Variants in ABI2 observed in about 807,000 individuals in gnomAD.
ABI2 encodes the protein abelson interactor 2.
Under a neutral mutation model 59.2 loss-of-function variants are expected in ABI2, and 25 were observed. That is an observed-to-expected ratio of 0.42 (90% CI 0.31 to 0.59). The LOEUF is 0.59. Among genes scored for constraint, ABI2 ranks in the 20% least tolerant of loss-of-function variants. The probability of loss-of-function intolerance (pLI) is 0.14; values close to 1 mark genes in which losing one functional copy is unlikely to be tolerated. For missense variants in ABI2, 545 were observed against 681.8 expected (o/e 0.80, Z 2.23); for synonymous variants, 213 against 235.5 (o/e 0.90, Z 0.87).
In ABI2 at chr2:203,366,534, A is replaced by T. The variant is rs113273810; in HGVS notation, c.118-343A>T. 6.6e-4 allele frequency among the ~76,000 whole-genome samples: 100 copies of T among 152,340 alleles called. 1 individual carries two copies. The highest frequency in any genetic ancestry group is 3.4e-3 in the Middle Eastern group (1 of 294). ...GAATTCAGAAAAGCAGAAGAAAGTG[A>T]GTCAAAATTTATACGTTCAAATCAG... On this transcript the variant is annotated intron_variant, in intron 1 of 11. Transcript: ENST00000261018.
intron 1 of ABI2, among the ~76,000 whole-genome samples, chr2:203,365,622 C>CTTTTTTTTT (rs71007507): frequency 2.7e-4 from 17 of 63,924 alleles, no homozygotes; most frequent in East Asian, 2.1e-3. Context: ...GGGCTGTTAT[C>CTTTTTTTTT]TTTTTTTTTT....
In ABI2 at chr2:203,382,495, A is replaced by G. The variant is rs538032886; in HGVS notation, c.480+289A>G. Among the ~76,000 whole-genome samples, 6 of 152,332 alleles carry G rather than the reference A, an allele frequency of 3.9e-5. No individual in the cohort carries two copies. In the East Asian group the frequency reaches 9.6e-4, roughly 24 times the overall value. ...TGAATGGTTATTTTGTAATGTTAAT[A>G]TATTTTGTGAAACTGAAATGTAAGC... On this transcript the variant is annotated intron_variant, in intron 4 of 11. Transcript: ENST00000261018.
At chr2:203,396,304 A>G (rs963834751) in intron 7 of ABI2, among the ~76,000 whole-genome samples, 4 of 152,218 alleles carry the variant, frequency 2.6e-5, no homozygotes, top group African/African-American at 7.2e-5. Context: ...AGAATGTTAC[A>G]TACTTAATTT....
At chr2:203,367,405 A>AT (rs1238967634) in intron 2 of ABI2, 9 of 153,268 alleles carry the variant, frequency 5.9e-5, no homozygotes, top group South Asian at 2.1e-4. Context: ...TTGTTCAAAA[A>AT]TTTTTTTTTC....
At chr2:203,338,119 C>G (rs1278814740) in intron 1 of ABI2, among the ~76,000 whole-genome samples, 4 of 152,208 alleles carry the variant, frequency 2.6e-5, no homozygotes, top group Admixed American at 2.0e-4. Context: ...AATGTAGCCA[C>G]ATCTGTGCAG....
chr2:203,381,598 C>G (rs1264284961), intron 3 of ABI2, among the ~76,000 whole-genome samples: 4 of 152,166 alleles, frequency 2.6e-5, no homozygotes, highest in Admixed American at 2.6e-4. Context: ...TACCTACATG[C>G]ATTTAGATTA....
intron 1 of ABI2, among the ~76,000 whole-genome samples, chr2:203,331,473 C>G (rs1186431759): frequency 6.8e-6 from 1 of 148,142 alleles, no homozygotes; most frequent in Admixed American, 7.0e-5. Context: ...ATTCTTCTGC[C>G]TCAGCCTTCC....
chr2:203,380,068 G>A, intron 2 of ABI2, 140 bp from the exon 3 acceptor site: 5 of 526,340 alleles, frequency 9.5e-6, no homozygotes, highest in Non-Finnish European at 1.2e-5. Context: ...GAGAAAATCA[G>A]TAGTCCAGAA....
At chr2:203,389,068 A>G (rs2096643481) in intron 4 of ABI2, among the ~76,000 whole-genome samples, 1 of 152,204 alleles carries the variant, frequency 6.6e-6, no homozygotes, top group Admixed American at 6.5e-5. Context: ...GGTTTCAGAA[A>G]TTAAGATATG....
In ABI2 at chr2:203,429,197, A is replaced by G. The variant is rs1044520389; in HGVS notation, c.*1845A>G. ...TTTCATTAACTTGCCTCCAGTATACATTCCACTTCGTGCTTTTCTTAGGTC... is the reference window on the plus strand; with the variant it reads ...TTTCATTAACTTGCCTCCAGTATACGTTCCACTTCGTGCTTTTCTTAGGTC... On this transcript the variant is annotated 3_prime_UTR_variant, in exon 12 of 12. Coordinates refer to ENST00000261018, the MANE Select transcript of ABI2 (RefSeq NM_001375670.1). 6.6e-6 allele frequency: 1 copy of G among 152,200 alleles called. No homozygotes were observed. The highest frequency in any genetic ancestry group is 2.4e-5 in the African/African-American group (1 of 41,434). The allele number at this position is 152,200 out of a possible 1,614,324, so 9.4% of individuals were successfully genotyped here. A position where few individuals can be genotyped will look rare whatever the true frequency, so the allele number is the denominator to read the frequency against.
intron 1 of ABI2, among the ~76,000 whole-genome samples, chr2:203,331,640 G>A (rs1027296847): frequency 6.6e-5 from 10 of 151,882 alleles, no homozygotes; most frequent in Non-Finnish European, 1.0e-4. Context: ...GATTACAGGC[G>A]TGAGCCACCG....
Position 203,428,332 on chromosome 2 carries a change from G to A in ABI2, c.*980G>A, listed in dbSNP as rs188219364. The A allele has an allele frequency of 1.3e-5, 2 of 152,684 alleles. No individual in the cohort carries two copies. The highest frequency in any genetic ancestry group is 2.4e-5 in the African/African-American group (1 of 41,550). 9.5% of individuals were successfully genotyped at this position (152,684 alleles called of 1,614,324 possible). A position where few individuals can be genotyped will look rare whatever the true frequency, so the allele number is the denominator to read the frequency against. ...CGCTATTCTACTTTGGAAGAGAATA[G>A]TAGTTATTTTCAAGTCTCCTGACAG... On this transcript the variant is annotated 3_prime_UTR_variant, in exon 12 of 12. Transcript: ENST00000261018.
At chr2:203,384,299 T>TTTTTTG (rs1559289278) in intron 4 of ABI2, among the ~76,000 whole-genome samples, 14 of 126,698 alleles carry the variant, frequency 1.1e-4, no homozygotes, top group African/African-American at 4.2e-4. Context: ...TGTTTTTTTT[T>TTTTTTG]TTTTTTTTTT....
chr2:203,395,432 A>AATATATATATATAT (rs375911001), intron 6 of ABI2, among the ~76,000 whole-genome samples: 51 of 113,324 alleles, frequency 4.5e-4, no homozygotes, highest in African/African-American at 1.1e-3. Flanking sequence ...TTAATAAGTA[A>AATATATATATATAT]ATATATATAT....
chr2:203,367,995 C>T (rs2094635258), intron 2 of ABI2, among the ~76,000 whole-genome samples: 1 of 151,506 alleles, frequency 6.6e-6, no homozygotes, highest in Non-Finnish European at 1.5e-5. Flanking sequence ...CAGAGTGAAA[C>T]CCTGTCTCCA....
intron 1 of ABI2, among the ~76,000 whole-genome samples, chr2:203,346,016 C>T (rs879522097): frequency 5.3e-5 from 8 of 151,542 alleles, no homozygotes; most frequent in Non-Finnish European, 1.0e-4. Flanking sequence ...CCTGTCTCTA[C>T]TAAAAATACA....
chr2:203,419,284 G>A (rs929131009), intron 11 of ABI2, among the ~76,000 whole-genome samples: 1 of 149,168 alleles, frequency 6.7e-6, no homozygotes, highest in Non-Finnish European at 1.5e-5. Context: ...TAATTTTTTT[G>A]TATTTTTAGT....
At chr2:203,339,126 A>G (rs187501565) in intron 1 of ABI2, among the ~76,000 whole-genome samples, 205 of 150,766 alleles carry the variant, frequency 1.4e-3, no homozygotes, top group Non-Finnish European at 2.2e-3. Context: ...AATGTGCTCA[A>G]CATCACTAAT....
Position 203,427,330 on chromosome 2 carries a change from C to T in ABI2, c.1607C>T (p.Ser536Phe). The T allele has an allele frequency of 6.2e-7, 1 of 1,613,978 alleles. No individual in the cohort carries two copies. The highest frequency in any genetic ancestry group is 1.1e-5 in the South Asian group (1 of 91,048). Reference sequence around the variant, plus strand: ...CTTTTTCCTGGGAATTACGTTGAGTCTATCATGCATTATTCTGAGTAAAGC... The same window carrying T: ...CTTTTTCCTGGGAATTACGTTGAGTTTATCATGCATTATTCTGAGTAAAGC... ...TGLFPGNYVE[S>F]IMHYSE Residue 536 changes from serine (S) to phenylalanine (F), a missense_variant, in exon 12 of 12, where the codon TCT becomes TTT. This residue lies in a region of ABI2 where 44 missense variants were observed against 106.4 expected (regional missense o/e 0.41). Transcript: ENST00000261018.
Sources: gnomAD v4.1 joint callset for allele counts (sites outside exome capture counted in the v4.1 genomes callset) on GRCh38, gnomAD v4.1.1 for gene constraint, gnomAD v4.1.1 regional missense constraint, MANE v1.5 for transcripts, NCBI Gene and HGNC (gene_info 2026-07-23, HGNC 2026-07-21) for gene names.